MTDH: variants seen among roughly 807,000 people sequenced by gnomAD.
The protein encoded by MTDH is protein LYRIC.
Under a neutral mutation model 72.7 loss-of-function variants are expected in MTDH, and 34 were observed. The ratio of observed to expected loss-of-function variants is 0.47; its 90% confidence interval spans 0.36 to 0.62. The LOEUF is 0.62. MTDH is among the 20% of genes least tolerant of loss of function. The pLI is 0.00. For missense variants in MTDH, 677 were observed against 699.4 expected, an observed-to-expected ratio of 0.97 and a Z score of 0.36; for synonymous variants, 266 against 268.9, an observed-to-expected ratio of 0.99 and a Z score of 0.10.
chr8:97,685,579 G>C (rs937586475), intron 2 of MTDH, among the ~76,000 whole-genome samples: 2 of 151,972 alleles, frequency 1.3e-5, no homozygotes, highest in Non-Finnish European at 2.9e-5. Context: ...GGCCAACATG[G>C]TGAAGCCCTG....
At chr8:97,653,366 A>G (rs2130917103) in intron 1 of MTDH, among the ~76,000 whole-genome samples, 1 of 152,354 alleles carries the variant, frequency 6.6e-6, no homozygotes, top group African/African-American at 2.4e-5. Flanking sequence ...AATTGCATTC[A>G]GAGAACAAAT....
At chr8:97,713,989 G>A (rs1392378361) in intron 9 of MTDH, among the ~76,000 whole-genome samples, 1 of 152,166 alleles carries the variant, frequency 6.6e-6, no homozygotes, top group Non-Finnish European at 1.5e-5. Context: ...TCAAAAATAA[G>A]TAAAATTCCA....
At chr8:97,645,488 A>G (rs937715724) in intron 1 of MTDH, among the ~76,000 whole-genome samples, 5 of 152,212 alleles carry the variant, frequency 3.3e-5, no homozygotes, top group African/African-American at 1.2e-4. Flanking sequence ...GAACGGGAGC[A>G]AGGCAAGAGG....
chr8:97,671,185 T>C (rs1812607998), intron 2 of MTDH, among the ~76,000 whole-genome samples: 1 of 152,092 alleles, frequency 6.6e-6, no homozygotes, highest in Non-Finnish European at 1.5e-5. Context: ...CAGGCTGGTC[T>C]TGAGCTCCTG....
intron 9 of MTDH, among the ~76,000 whole-genome samples, chr8:97,716,298 A>G (rs1377497773): frequency 6.6e-6 from 1 of 152,260 alleles, no homozygotes; most frequent in South Asian, 2.1e-4. Context: ...AGGTAGGAGA[A>G]TCACTTGAAC....
At chr8:97,647,068 A>C (rs1811592744) in intron 1 of MTDH, among the ~76,000 whole-genome samples, 1 of 152,208 alleles carries the variant, frequency 6.6e-6, no homozygotes, top group African/African-American at 2.4e-5. Context: ...AAGAAGTACA[A>C]GCTGCCGTTT....
chr8:97,665,563 G>A (rs1014869041), intron 2 of MTDH, among the ~76,000 whole-genome samples: 2 of 152,130 alleles, frequency 1.3e-5, no homozygotes, highest in Non-Finnish European at 2.9e-5. Context: ...TCCTACTTGG[G>A]TAGCCATAAA....
chr8:97,706,482 T>C (rs1814356707), intron 7 of MTDH, 144 bp from the exon 8 acceptor site: 3 of 609,328 alleles, frequency 4.9e-6, no homozygotes, highest in Non-Finnish European at 7.5e-6. Context: ...TCATGTTATT[T>C]TTTTTTCTGG....
At chr8:97,700,240 A>G (rs1814052530) in intron 7 of MTDH, among the ~76,000 whole-genome samples, 1 of 152,156 alleles carries the variant, frequency 6.6e-6, no homozygotes, top group East Asian at 1.9e-4. Flanking sequence ...TTCTTAACCC[A>G]GTTGCCAGTA....
At chr8:97,721,259 G>A (rs1815111234) in intron 10 of MTDH, among the ~76,000 whole-genome samples, 1 of 151,972 alleles carries the variant, frequency 6.6e-6, no homozygotes, top group Non-Finnish European at 1.5e-5. Context: ...TGGGCAGAAT[G>A]ATGAAACCCC....
intron 2 of MTDH, among the ~76,000 whole-genome samples, chr8:97,663,083 C>G (rs1026717685): frequency 1.3e-5 from 2 of 152,082 alleles, no homozygotes; most frequent in Non-Finnish European, 2.9e-5. Context: ...TATAGATTTA[C>G]ACATCTCTGA....
At position 97,689,069 on chromosome 8, in the gene MTDH, C is replaced by T. The variant is rs1259399350; in HGVS notation, c.777C>T (p.Asn259=). The change falls in exon 5 of 12, where the codon AAC becomes AAT. Residue 259 remains asparagine, a synonymous_variant. Transcript: ENST00000336273. The stretch of plus-strand genomic sequence containing the variant: ...CTCATCTAAATGTTCAAGTTAGCAA[C>T]TTTAAATCTGGAAAAGGAGATTCTA... ...GDSHLNVQVS[N]FKSGKGDSTL... The T allele has an allele frequency of 1.3e-6, 2 of 1,584,274 alleles. No homozygotes were observed. Among genetic ancestry groups the T allele is most frequent in the Non-Finnish European group, 1.7e-6 (2 of 1,160,296 alleles).
chr8:97,652,128 C>G (rs901946806), intron 1 of MTDH, among the ~76,000 whole-genome samples: 9 of 152,226 alleles, frequency 5.9e-5, no homozygotes, highest in Non-Finnish European at 1.2e-4. Context: ...TCTCAACGCA[C>G]TAGTAATGAG....
intron 2 of MTDH, among the ~76,000 whole-genome samples, chr8:97,673,696 C>T (rs117560092): frequency 2.6e-4 from 40 of 151,512 alleles, no homozygotes; most frequent in Admixed American, 2.0e-3. Flanking sequence ...AGGAATTGGC[C>T]GGGTGCAGTG....
intron 1 of MTDH, among the ~76,000 whole-genome samples, chr8:97,645,176 CG>C (rs1332865129): frequency 6.6e-6 from 1 of 152,106 alleles, no homozygotes; most frequent in Non-Finnish European, 1.5e-5. Flanking sequence ...CTTTGGGAAC[CG>C]TCACCGCTAG....
intron 2 of MTDH, among the ~76,000 whole-genome samples, chr8:97,677,259 C>T (rs1236985598): frequency 3.4e-5 from 5 of 145,070 alleles, no homozygotes; most frequent in East Asian, 2.1e-4. Context: ...GTTGGGAGGC[C>T]GAGGCAGGTG....
chr8:97,720,646 C>CTTT (rs34801268), intron 10 of MTDH, among the ~76,000 whole-genome samples: 28 of 126,510 alleles, frequency 2.2e-4, no homozygotes, highest in African/African-American at 6.6e-4. Flanking sequence ...GTCTATTTGA[C>CTTT]TTTTTTTTTT....
chr8:97,670,220 G>A (rs1047423504), intron 2 of MTDH, among the ~76,000 whole-genome samples: 7 of 152,238 alleles, frequency 4.6e-5, no homozygotes, highest in African/African-American at 1.7e-4. Flanking sequence ...GGAGGCTGAG[G>A]TGGGAGAATC....
chr8:97,726,713 G>A lies in MTDH; in HGVS notation c.*2043G>A, dbSNP rs1458873667. 6.6e-6 allele frequency: 1 copy of A among 152,216 alleles called. No homozygotes were observed. The highest frequency in any genetic ancestry group is 1.5e-5 in the Non-Finnish European group (1 of 68,068). The allele number at this position is 152,216 out of a possible 1,614,324, so 9.4% of individuals were successfully genotyped here. A position where few individuals can be genotyped will look rare whatever the true frequency, so the allele number is the denominator to read the frequency against. On this transcript the variant is annotated 3_prime_UTR_variant, in exon 12 of 12. Coordinates refer to ENST00000336273, the MANE Select transcript of MTDH (RefSeq NM_178812.4). ...AGAGATGCGTTGCTAAGTTGAGGTG[G>A]ATCCAGTATAGAGATACCTCTATTT...
Sources: gnomAD v4.1 joint callset for allele counts (sites outside exome capture counted in the v4.1 genomes callset) on GRCh38, gnomAD v4.1.1 for gene constraint, MANE v1.5 for transcripts, NCBI Gene and HGNC (gene_info 2026-07-23, HGNC 2026-07-21) for gene names.